Variants in ULK4 observed in about 807,000 individuals in gnomAD.
ULK4 encodes the protein inactive serine/threonine-protein kinase ULK4.
ULK4 carries 133 observed loss-of-function variants against 160.6 expected under a neutral mutation model. The ratio of observed to expected loss-of-function variants is 0.83; its 90% CI spans 0.72 to 0.96. ULK4 has a LOEUF of 0.96. Ranked by LOEUF, ULK4 falls within the 40% of genes least tolerant of loss-of-function variation. The pLI is 0.00. For synonymous variants in ULK4, 534 were observed against 539.8 expected, an observed-to-expected ratio of 0.99 and a Z score of 0.15; for missense variants, 1,580 against 1,499.5, an observed-to-expected ratio of 1.05 and a Z score of -0.89.
chr3:41,335,734 C>CA lies in ULK4; in HGVS notation c.3678+62344dup, dbSNP rs5848598. On this transcript the variant is annotated intron_variant, in intron 35 of 36. Coordinates refer to ENST00000301831, the MANE Select transcript of ULK4 (RefSeq NM_017886.4). ...GAGTTAGATGTCAGCAGCATGAGGGCAAAAAAAAAAATGTTCTTGGTTTTT... is the reference window on the plus strand; with the variant it reads ...GAGTTAGATGTCAGCAGCATGAGGGCAAAAAAAAAAAATGTTCTTGGTTTTT... Among the ~76,000 whole-genome samples, 578 of 148,126 alleles carry CA rather than the reference C, an allele frequency of 3.9e-3. 2 individuals are homozygous for CA. Among genetic ancestry groups the CA allele is most frequent in the African/African-American group, 0.013 (511 of 40,764 alleles).
chr3:41,895,558 A>G lies in ULK4; in HGVS notation c.1537T>C (p.Leu513=). Residue 513 remains leucine, a synonymous_variant, in exon 16 of 37, where the codon TTG becomes CTG. Coordinates refer to ENST00000301831, the MANE Select transcript of ULK4 (RefSeq NM_017886.4). ...GCTATCCGCAAATGCTGGATTAGCA[A>G]TTGGAACTAGAATAAGAAATTTAAG... The part of the protein sequence containing the change: ...TRLLHSPLFQ[L]LIQHLRIAPN... The G allele has an allele frequency of 6.6e-7, 1 of 1,512,588 alleles. No individual in the cohort carries two copies. The highest frequency in any genetic ancestry group is 8.8e-7 in the Non-Finnish European group (1 of 1,130,550). The allele number at this position is 1,512,588 out of a possible 1,614,324, so 93.7% of individuals were successfully genotyped here. A position where few individuals can be genotyped will look rare whatever the true frequency, so the allele number is the denominator to read the frequency against.
At chr3:41,376,316 A>G (rs936745215) in intron 35 of ULK4, among the ~76,000 whole-genome samples, 1 of 150,290 alleles carries the variant, frequency 6.7e-6, no homozygotes, top group Admixed American at 6.6e-5. Context: ...ATAAAGACAC[A>G]TACACACATA....
chr3:41,406,674 TC>T (rs2082299582), intron 34 of ULK4, among the ~76,000 whole-genome samples: 1 of 152,220 alleles, frequency 6.6e-6, no homozygotes, highest in South Asian at 2.1e-4. Context: ...CTCATTCTGC[TC>T]ATTCTCTTTT....
chr3:41,748,242 CCATAT>C (rs2038487516), intron 22 of ULK4, among the ~76,000 whole-genome samples: 1 of 147,116 alleles, frequency 6.8e-6, no homozygotes, highest in Non-Finnish European at 1.5e-5. Context: ...CACACACACA[CCATAT>C]ATAGAGATCA....
intron 32 of ULK4, among the ~76,000 whole-genome samples, chr3:41,531,474 AGGAGG>A (rs2086313795): frequency 5.4e-4 from 7 of 12,976 alleles, no homozygotes; most frequent in Non-Finnish European, 8.4e-4. Flanking sequence ...GGGAGGGGAG[AGGAGG>A]GGAGAGGAGA....
intron 31 of ULK4, among the ~76,000 whole-genome samples, chr3:41,614,931 C>T (rs751756304): frequency 6.6e-6 from 1 of 152,142 alleles, no homozygotes; most frequent in Non-Finnish European, 1.5e-5. Flanking sequence ...TGTGCTGTTA[C>T]TGAGCTAGGG....
intron 32 of ULK4, among the ~76,000 whole-genome samples, chr3:41,490,847 G>A (rs2084729567): frequency 6.6e-6 from 1 of 152,084 alleles, no homozygotes; most frequent in Non-Finnish European, 1.5e-5. Context: ...TTAAGGACAT[G>A]GACTACATCT....
chr3:41,646,646 A>G (rs931577480), intron 30 of ULK4, among the ~76,000 whole-genome samples: 2 of 152,020 alleles, frequency 1.3e-5, no homozygotes, highest in Non-Finnish European at 2.9e-5. Flanking sequence ...CATTTCAACT[A>G]TGGTGAATCT....
chr3:41,950,799 G>A (rs1452723315), intron 2 of ULK4, among the ~76,000 whole-genome samples: 1 of 151,910 alleles, frequency 6.6e-6, no homozygotes, highest in Admixed American at 6.6e-5. Context: ...CCAAACAGGT[G>A]GAAAGACTTA....
At chr3:41,526,659 C>T (rs2125936523) in intron 32 of ULK4, among the ~76,000 whole-genome samples, 1 of 152,302 alleles carries the variant, frequency 6.6e-6, no homozygotes, top group South Asian at 2.1e-4. Context: ...TTAGATATGT[C>T]TTCCAGGACT....
intron 22 of ULK4, among the ~76,000 whole-genome samples, chr3:41,734,849 A>G (rs2037972849): frequency 1.3e-5 from 2 of 152,220 alleles, no homozygotes; most frequent in Non-Finnish European, 1.5e-5. Context: ...GTGATGGTAC[A>G]GATTAAATGG....
At chr3:41,945,845 A>G (rs1403677638) in intron 2 of ULK4, among the ~76,000 whole-genome samples, 1 of 152,142 alleles carries the variant, frequency 6.6e-6, no homozygotes, top group Non-Finnish European at 1.5e-5. Context: ...TTAGTCATGT[A>G]GGCCAAAACC....
At chr3:41,275,124 C>A (rs1402797726) in intron 35 of ULK4, among the ~76,000 whole-genome samples, 1 of 152,170 alleles carries the variant, frequency 6.6e-6, no homozygotes, top group Admixed American at 6.5e-5. Context: ...TTGGGAAACA[C>A]CCTAGAAGAA....
intron 35 of ULK4, among the ~76,000 whole-genome samples, chr3:41,257,836 T>A (rs2078863804): frequency 6.6e-6 from 1 of 152,204 alleles, no homozygotes; most frequent in Admixed American, 6.5e-5. Context: ...GAAGTCGTCA[T>A]GCATTACTTG....
At chr3:41,480,655 A>G (rs2125896175) in intron 32 of ULK4, among the ~76,000 whole-genome samples, 1 of 152,330 alleles carries the variant, frequency 6.6e-6, no homozygotes, top group South Asian at 2.1e-4. Context: ...TTTTAAGAAT[A>G]TAGCATATGT....
chr3:41,546,559 T>C (rs574771824), intron 32 of ULK4, among the ~76,000 whole-genome samples: 1 of 152,190 alleles, frequency 6.6e-6, no homozygotes, highest in Non-Finnish European at 1.5e-5. Context: ...AATCTTGCTC[T>C]GTGAAAGTAT....
intron 27 of ULK4, among the ~76,000 whole-genome samples, chr3:41,691,157 T>G (rs564703793): frequency 6.6e-6 from 1 of 151,922 alleles, no homozygotes; most frequent in East Asian, 1.9e-4. Flanking sequence ...TCTAGGAACA[T>G]TCTAGTGGTA....
intron 21 of ULK4, among the ~76,000 whole-genome samples, chr3:41,788,677 G>A (rs939276138): frequency 4.0e-5 from 6 of 150,960 alleles, no homozygotes; most frequent in Non-Finnish European, 8.8e-5. Context: ...GCGACAGAGC[G>A]AGCCTCCATC....
intron 35 of ULK4, among the ~76,000 whole-genome samples, chr3:41,269,991 T>C (rs931766387): frequency 3.3e-5 from 5 of 152,096 alleles, no homozygotes; most frequent in Admixed American, 1.3e-4. Flanking sequence ...AAGTAGACTG[T>C]TTTCTATATA....
Sources: gnomAD v4.1 joint callset for allele counts (sites outside exome capture counted in the v4.1 genomes callset) on GRCh38, gnomAD v4.1.1 for gene constraint, MANE v1.5 for transcripts, NCBI Gene and HGNC (gene_info 2026-07-23, HGNC 2026-07-21) for gene names.